EPHA4: variants seen among roughly 807,000 people sequenced by gnomAD.
EPHA4 encodes the protein EPH receptor A4, also known as ephrin type-A receptor 4.
In EPHA4, 19 loss-of-function variants were observed where a neutral mutation model predicts 108.3. That is an observed-to-expected ratio of 0.18 (90% CI 0.12 to 0.26). The LOEUF (loss-of-function observed/expected upper bound fraction) is 0.26. EPHA4 is among the 10% of genes least tolerant of loss of function. The pLI, the probability that EPHA4 is intolerant of heterozygous loss-of-function variation, is 1.00. For missense variants in EPHA4, 917 were observed against 1,254.0 expected (o/e 0.73, Z 4.06); for synonymous variants, 449 against 455.5 (o/e 0.99, Z 0.18).
At chr2:221,549,979 T>TCAAA (rs944053008) in intron 3 of EPHA4, among the ~76,000 whole-genome samples, 20 of 152,050 alleles carry the variant, frequency 1.3e-4, no homozygotes, top group South Asian at 2.1e-4. Context: ...AGACTCCATC[T>TCAAA]CAAACAAACA....
Position 221,455,644 on chromosome 2 carries a change from T to A in EPHA4, c.1618A>T (p.Ile540Phe). ...VTTNTVPSRI[I>F]GDGANSTVLL... The stretch of plus-strand genomic sequence containing the variant: ...ACTGTGGAGTTAGCCCCATCTCCAA[T>A]GATCCGGGAAGGCACTGGGAATGAC... The change falls in exon 8 of 18, where the codon ATT (isoleucine) becomes TTT (phenylalanine). Residue 540 changes from isoleucine (I) to phenylalanine (F), a missense_variant. Ile to Phe is a conservative substitution (Grantham distance 21, BLOSUM62 0). Around this residue, in one of 3 missense-constraint regions of EPHA4, gnomAD observed 758 missense variants for 1,076.7 expected, o/e 0.70. Transcript: ENST00000281821. 6.2e-7 allele frequency: 1 copy of A among 1,613,598 alleles called. No homozygotes were observed. The highest frequency in any genetic ancestry group is 2.2e-5 in the East Asian group (1 of 44,770).
At chr2:221,541,273 A>AT (rs1693832050) in intron 3 of EPHA4, among the ~76,000 whole-genome samples, 1 of 152,126 alleles carries the variant, frequency 6.6e-6, no homozygotes, top group Admixed American at 6.5e-5. Flanking sequence ...TTGCTGTGGG[A>AT]TGACATCAAG....
At chr2:221,510,013 A>G (rs1692778457) in intron 3 of EPHA4, among the ~76,000 whole-genome samples, 1 of 152,250 alleles carries the variant, frequency 6.6e-6, no homozygotes, top group South Asian at 2.1e-4. Context: ...GGAGGATAAA[A>G]GACAGTGTGT....
chr2:221,485,123 C>T (rs1691941007), intron 4 of EPHA4, among the ~76,000 whole-genome samples: 2 of 152,178 alleles, frequency 1.3e-5, no homozygotes, highest in African/African-American at 4.8e-5. Flanking sequence ...TCCTGGTCCA[C>T]TTTCACATGG....
Position 221,568,734 on chromosome 2 carries a change from C to T in EPHA4, c.143G>A (p.Ser48Asn), listed in dbSNP as rs772289765. 1.2e-5 allele frequency: 20 copies of T among 1,613,650 alleles called. No individual in the cohort carries two copies. The Admixed American group carries it at 2.3e-4, about 19-fold the overall frequency. Reference sequence around the variant, plus strand: ...AGGACTTACCCCTCCTTCCAGAGGGCTTGCTATCCACCCAAGTTCTCCCTG... The same window carrying T: ...AGGACTTACCCCTCCTTCCAGAGGGTTTGCTATCCACCCAAGTTCTCCCTG... ...SVQGELGWIASPLEGGWEEVS... is the reference protein window; with the variant it reads ...SVQGELGWIANPLEGGWEEVS... The change falls in exon 2 of 18, where the codon AGC becomes AAC. Residue 48 changes from serine to asparagine, a missense_variant. This residue lies in a region of EPHA4 where 758 missense variants were observed against 1,076.7 expected (regional missense o/e 0.70). Transcript: ENST00000281821.
chr2:221,436,795 G>C (rs1435204043), intron 12 of EPHA4, among the ~76,000 whole-genome samples, 187 bp from the exon 13 acceptor site: 1 of 152,150 alleles, frequency 6.6e-6, no homozygotes, highest in Non-Finnish European at 1.5e-5. Flanking sequence ...AGCTGGGTTT[G>C]CTTCCTGTGA....
At position 221,446,149 on chromosome 2, in the gene EPHA4, G is replaced by T; in HGVS notation, c.1748C>A (p.Ala583Glu). The T allele has an allele frequency of 1.9e-6, 3 of 1,544,934 alleles. No individual in the cohort carries two copies. Among genetic ancestry groups the T allele is most frequent in the East Asian group, 4.9e-5 (2 of 41,116 alleles). ...RSKYSKAKQEADEEKHLNQGV... is the reference protein window; with the variant it reads ...RSKYSKAKQEEDEEKHLNQGV... The stretch of plus-strand genomic sequence containing the variant: ...TTGATTCAAATGTTTCTCTTCATCC[G>T]CTTCTTGTTTGGCTTTACTGTATTT... The change falls in exon 9 of 18, where the codon GCG becomes GAG. Residue 583 changes from alanine to glutamate, a missense_variant. Physicochemically the swap from Ala to Glu is moderately radical, Grantham distance 107 (BLOSUM62 -1). Coordinates refer to ENST00000281821, the MANE Select transcript of EPHA4 (RefSeq NM_004438.5).
At chr2:221,490,991 AC>A (rs1692125823) in intron 4 of EPHA4, among the ~76,000 whole-genome samples, 2 of 152,262 alleles carry the variant, frequency 1.3e-5, no homozygotes, top group African/African-American at 4.8e-5. Flanking sequence ...TTAAACCAGA[AC>A]CTTTTGGATG....
intron 8 of EPHA4, among the ~76,000 whole-genome samples, chr2:221,452,723 A>G (rs1279636544): frequency 6.6e-6 from 1 of 151,752 alleles, no homozygotes; most frequent in Non-Finnish European, 1.5e-5. Context: ...TTTTTTTTTA[A>G]TGGGGGAGAA....
intron 3 of EPHA4, among the ~76,000 whole-genome samples, chr2:221,555,009 G>T (rs907321885): frequency 1.3e-5 from 2 of 152,130 alleles, no homozygotes; most frequent in African/African-American, 4.8e-5. Flanking sequence ...ACCTCAGAAA[G>T]AACAGCAAGA....
chr2:221,448,463 T>C (rs1690666885), intron 8 of EPHA4, among the ~76,000 whole-genome samples: 1 of 152,190 alleles, frequency 6.6e-6, no homozygotes. Context: ...ATTGCTTCAT[T>C]GAAGTAACTA....
Position 221,434,291 on chromosome 2 carries a change from C to T in EPHA4, c.2347G>A (p.Gly783Ser), listed in dbSNP as rs1369769739. The change falls in exon 14 of 18, where the codon GGT (glycine) becomes AGT (serine). Residue 783 changes from glycine to serine, a missense_variant and splice_region_variant. Around this residue, in one of 3 missense-constraint regions of EPHA4, gnomAD observed 758 missense variants for 1,076.7 expected, o/e 0.70. Coordinates refer to ENST00000281821, the MANE Select transcript of EPHA4 (RefSeq NM_004438.5). Reference protein sequence around the residue: ...DDPEAAYTTRGGKIPIRWTAP... With the variant: ...DDPEAAYTTRSGKIPIRWTAP... ...GTCCACCGGATAGGAATCTTGCCAC[C>T]CTGTGAACATTTGAGCCATAAGTTA... The T allele has an allele frequency of 6.2e-7, 1 of 1,613,516 alleles. No individual in the cohort carries two copies. The highest frequency in any genetic ancestry group is 8.5e-7 in the Non-Finnish European group (1 of 1,179,812).
intron 4 of EPHA4, among the ~76,000 whole-genome samples, chr2:221,495,476 A>G (rs1692270599): frequency 6.6e-6 from 1 of 152,156 alleles, no homozygotes; most frequent in Admixed American, 6.5e-5. Flanking sequence ...TCCGCAGGTG[A>G]TTTCCATGTG....
At chr2:221,569,223 C>A (rs953172582) in intron 1 of EPHA4, among the ~76,000 whole-genome samples, 8 of 152,306 alleles carry the variant, frequency 5.3e-5, no homozygotes, top group Admixed American at 3.3e-4. Context: ...CAAGTGAATT[C>A]TCTCTTCTAT....
intron 4 of EPHA4, among the ~76,000 whole-genome samples, chr2:221,497,847 A>C (rs148658563): frequency 6.6e-6 from 1 of 152,184 alleles, no homozygotes; most frequent in Non-Finnish European, 1.5e-5. Context: ...TTTAACAATG[A>C]CACAAAAAGC....
chr2:221,530,778 A>G (rs1693490191), intron 3 of EPHA4, among the ~76,000 whole-genome samples: 1 of 152,172 alleles, frequency 6.6e-6, no homozygotes, highest in Admixed American at 6.5e-5. Context: ...ACAGCAGGAC[A>G]TCGTGGTCTG....
intron 6 of EPHA4, 58 bp downstream of exon 6, chr2:221,457,808 A>G: frequency 6.3e-7 from 1 of 1,583,420 alleles, no homozygotes; most frequent in Admixed American, 1.7e-5. Flanking sequence ...AAAGAAGAAA[A>G]CAAAGAAGGA....
At chr2:221,455,701 T>C (rs779241767) in intron 7 of EPHA4, 43 bp from the exon 8 acceptor site, 3 of 1,485,938 alleles carry the variant, frequency 2.0e-6, no homozygotes, top group African/African-American at 1.4e-5. Flanking sequence ...GGGAAAGTCT[T>C]AGGAGGTAGA....
chr2:221,544,206 G>A (rs940739207), intron 3 of EPHA4, among the ~76,000 whole-genome samples: 5 of 152,164 alleles, frequency 3.3e-5, no homozygotes, highest in Admixed American at 6.5e-5. Context: ...TCAGATCATC[G>A]TACCAAGCTA....
Sources: allele counts gnomAD v4.1 joint callset (sites outside exome capture counted in the v4.1 genomes callset), GRCh38; gene constraint gnomAD v4.1.1; regional missense constraint gnomAD v4.1.1; transcripts MANE v1.5; gene names NCBI Gene and HGNC (gene_info 2026-07-23, HGNC 2026-07-21).